ST6GALNAC3: variants seen among roughly 807,000 people sequenced by gnomAD.
ST6GALNAC3 encodes the protein alpha-N-acetylgalactosaminide alpha-2,6-sialyltransferase 3.
Under a neutral mutation model 32.7 loss-of-function variants are expected in ST6GALNAC3, and 25 were observed. The ratio of observed to expected loss-of-function variants is 0.76; its 90% confidence interval spans 0.56 to 1.07. The LOEUF (loss-of-function observed/expected upper bound fraction) is 1.07, where lower values mean the gene tolerates loss of function less well. ST6GALNAC3 is among the 50% of genes least tolerant of loss of function. The pLI, the probability that ST6GALNAC3 is intolerant of heterozygous loss-of-function variation, is 0.00. For synonymous variants in ST6GALNAC3, 129 were observed against 133.1 expected (o/e 0.97, Z 0.21); for missense variants, 355 against 382.4 (o/e 0.93, Z 0.60).
At chr1:76,080,315 A>G (rs1459689768) in intron 1 of ST6GALNAC3, among the ~76,000 whole-genome samples, 1 of 152,160 alleles carries the variant, frequency 6.6e-6, no homozygotes, top group Non-Finnish European at 1.5e-5. Context: ...TATGTCAGTT[A>G]TAGACACAGG....
At chr1:76,280,753 A>G (rs1171182094) in intron 1 of ST6GALNAC3, among the ~76,000 whole-genome samples, 1 of 152,256 alleles carries the variant, frequency 6.6e-6, no homozygotes, top group Non-Finnish European at 1.5e-5. Context: ...ATTTACTAGC[A>G]TGCAAACTTG....
intron 3 of ST6GALNAC3, among the ~76,000 whole-genome samples, chr1:76,525,120 A>C (rs1662786055): frequency 6.6e-6 from 1 of 152,104 alleles, no homozygotes; most frequent in South Asian, 2.1e-4. Flanking sequence ...TAACAATATA[A>C]ATGACTTTCT....
At chr1:76,280,740 G>A (rs1021277704) in intron 1 of ST6GALNAC3, among the ~76,000 whole-genome samples, 4 of 152,108 alleles carry the variant, frequency 2.6e-5, no homozygotes, top group Non-Finnish European at 5.9e-5. Flanking sequence ...TCTCAGATTC[G>A]TCATTTACTA....
intron 2 of ST6GALNAC3, among the ~76,000 whole-genome samples, chr1:76,333,283 A>G (rs1325599050): frequency 6.6e-6 from 1 of 152,158 alleles, no homozygotes; most frequent in Non-Finnish European, 1.5e-5. Context: ...CAGTGATTGG[A>G]AAGTTCAAAG....
At chr1:76,539,769 T>C (rs1191505348) in intron 3 of ST6GALNAC3, among the ~76,000 whole-genome samples, 1 of 152,082 alleles carries the variant, frequency 6.6e-6, no homozygotes, top group South Asian at 2.1e-4. Flanking sequence ...TCCACATCAA[T>C]GATCATCAGA....
intron 1 of ST6GALNAC3, among the ~76,000 whole-genome samples, chr1:76,172,952 C>A (rs1414371617): frequency 6.6e-6 from 1 of 152,164 alleles, no homozygotes; most frequent in African/African-American, 2.4e-5. Context: ...ATCAAACTAC[C>A]ATTGATATTC....
chr1:76,429,276 AT>A (rs1655594083), intron 3 of ST6GALNAC3, among the ~76,000 whole-genome samples: 1 of 152,096 alleles, frequency 6.6e-6, no homozygotes, highest in Admixed American at 6.6e-5. Flanking sequence ...ACCATGTCCT[AT>A]CTGTATGATC....
chr1:76,605,393 C>T (rs1188469241), intron 3 of ST6GALNAC3, among the ~76,000 whole-genome samples: 2 of 152,096 alleles, frequency 1.3e-5, no homozygotes, highest in Admixed American at 1.3e-4. Flanking sequence ...TAACCCTAAA[C>T]TTTGTGTACA....
At chr1:76,569,882 C>A (rs1041152079) in intron 3 of ST6GALNAC3, among the ~76,000 whole-genome samples, 2 of 152,082 alleles carry the variant, frequency 1.3e-5, no homozygotes, top group Non-Finnish European at 2.9e-5. Context: ...AGCCATGAAA[C>A]TCCTATGTTC....
At chr1:76,162,867 T>C (rs1160931266) in intron 1 of ST6GALNAC3, among the ~76,000 whole-genome samples, 1 of 152,132 alleles carries the variant, frequency 6.6e-6, no homozygotes, top group African/African-American at 2.4e-5. Context: ...GTATTAAAGG[T>C]TGACGTGAAG....
chr1:76,502,651 T>C (rs1476382113), intron 3 of ST6GALNAC3, among the ~76,000 whole-genome samples: 2 of 152,132 alleles, frequency 1.3e-5, no homozygotes, highest in Non-Finnish European at 2.9e-5. Flanking sequence ...AGTTAACAAT[T>C]TCAACTTAAT....
intron 1 of ST6GALNAC3, among the ~76,000 whole-genome samples, chr1:76,257,075 T>C (rs565254238): frequency 1.3e-5 from 2 of 152,290 alleles, no homozygotes; most frequent in East Asian, 3.9e-4. Context: ...GTTACAAGTA[T>C]AGAACCATTA....
At chr1:76,522,231 A>T (rs1007362648) in intron 3 of ST6GALNAC3, among the ~76,000 whole-genome samples, 12 of 151,600 alleles carry the variant, frequency 7.9e-5, no homozygotes, top group African/African-American at 2.9e-4. Context: ...TTACTTCTGT[A>T]TTTTTTAAAA....
At chr1:76,433,112 C>A (rs1655891664) in intron 3 of ST6GALNAC3, among the ~76,000 whole-genome samples, 1 of 152,084 alleles carries the variant, frequency 6.6e-6, no homozygotes, top group Non-Finnish European at 1.5e-5. Context: ...TTGCCTCTGA[C>A]ACACTTTTTA....
intron 3 of ST6GALNAC3, among the ~76,000 whole-genome samples, chr1:76,563,085 T>C (rs1665339540): frequency 6.6e-6 from 1 of 152,218 alleles, no homozygotes; most frequent in East Asian, 1.9e-4. Flanking sequence ...ACAATATGTT[T>C]ACATTACACA....
chr1:76,311,100 T>C (rs1646753546), intron 1 of ST6GALNAC3, among the ~76,000 whole-genome samples: 1 of 152,082 alleles, frequency 6.6e-6, no homozygotes, highest in Admixed American at 6.6e-5. Flanking sequence ...CACATCTTTT[T>C]CCACCTTGTT....
At chr1:76,384,230 G>A (rs1337703588) in intron 2 of ST6GALNAC3, among the ~76,000 whole-genome samples, 2 of 152,018 alleles carry the variant, frequency 1.3e-5, no homozygotes, top group East Asian at 1.9e-4. Flanking sequence ...TGATAAAGAA[G>A]CTAATACAGC....
At chr1:76,272,767 C>T (rs185800467) in intron 1 of ST6GALNAC3, among the ~76,000 whole-genome samples, 4 of 152,350 alleles carry the variant, frequency 2.6e-5, no homozygotes, top group Admixed American at 2.6e-4. Context: ...TACTGATTGG[C>T]TCACAACAGT....
At chr1:76,495,868 C>G (rs748072160) in intron 3 of ST6GALNAC3, among the ~76,000 whole-genome samples, 31 of 152,090 alleles carry the variant, frequency 2.0e-4, no homozygotes, top group Non-Finnish European at 3.8e-4. Flanking sequence ...CTTGAGGAAT[C>G]TTCTGTTAGG....
Sources: allele counts gnomAD v4.1 joint callset (sites outside exome capture counted in the v4.1 genomes callset), GRCh38; gene constraint gnomAD v4.1.1; transcripts MANE v1.5; gene names NCBI Gene and HGNC (gene_info 2026-07-23, HGNC 2026-07-21).